PDGFD: variants seen among roughly 807,000 people sequenced by gnomAD.
PDGFD encodes the protein platelet-derived growth factor D.
In PDGFD, 30 loss-of-function variants were observed where a neutral mutation model predicts 44.7. That is an observed-to-expected ratio of 0.67 (90% CI 0.50 to 0.91). The LOEUF (loss-of-function observed/expected upper bound fraction) is 0.91, where lower values mean the gene tolerates loss of function less well. Ranked by LOEUF, PDGFD falls within the 40% of genes least tolerant of loss-of-function variation. The probability of loss-of-function intolerance (pLI) is 0.00; values close to 1 mark genes in which losing one functional copy is unlikely to be tolerated. For synonymous variants in PDGFD, 173 were observed against 168.4 expected, an observed-to-expected ratio of 1.03 and a Z score of -0.21; for missense variants, 445 against 457.8, an observed-to-expected ratio of 0.97 and a Z score of 0.25.
At chr11:104,162,938 G>A (rs1862410805) in intron 1 of PDGFD, among the ~76,000 whole-genome samples, 1 of 152,160 alleles carries the variant, frequency 6.6e-6, no homozygotes, top group Non-Finnish European at 1.5e-5. Context: ...AATTTGCTGG[G>A]AACATCAGCT....
chr11:104,119,327 A>G (rs1231708061), intron 1 of PDGFD, among the ~76,000 whole-genome samples: 4 of 51,840 alleles, frequency 7.7e-5, no homozygotes, highest in African/African-American at 3.0e-4. Context: ...ATATTGATAT[A>G]ATATATAATA....
intron 1 of PDGFD, among the ~76,000 whole-genome samples, chr11:104,144,540 A>AAAAAACCCAACC (rs1862136201): frequency 7.4e-6 from 1 of 136,002 alleles, no homozygotes; most frequent in African/African-American, 3.0e-5. Flanking sequence ...CCAACAAAAC[A>AAAAAACCCAACC]AAACAAACAA....
chr11:103,971,924 G>A (rs191743197), intron 3 of PDGFD, among the ~76,000 whole-genome samples: 25 of 152,286 alleles, frequency 1.6e-4, no homozygotes, highest in Non-Finnish European at 2.4e-4. Flanking sequence ...AGTGAATCCT[G>A]AGGGAGGATT....
chr11:103,961,425 T>G (rs1421532059), intron 3 of PDGFD, among the ~76,000 whole-genome samples: 1 of 152,154 alleles, frequency 6.6e-6, no homozygotes, highest in African/African-American at 2.4e-5. Flanking sequence ...GAGGAAGGTC[T>G]CAGAAGAAGT....
chr11:104,123,983 AT>A (rs1861810676), intron 1 of PDGFD, among the ~76,000 whole-genome samples: 1 of 106,256 alleles, frequency 9.4e-6, no homozygotes, highest in Non-Finnish European at 1.9e-5. Flanking sequence ...AAAAGTGATT[AT>A]TTTTGGTCAT....
intron 1 of PDGFD, among the ~76,000 whole-genome samples, chr11:104,098,149 T>C (rs1350034766): frequency 1.3e-5 from 2 of 152,156 alleles, no homozygotes; most frequent in African/African-American, 2.4e-5. Context: ...TATAATTTGT[T>C]TGAACTTGTA....
chr11:103,911,627 G>C lies in PDGFD; in HGVS notation c.988-1808C>G, dbSNP rs572648558. On this transcript the variant is annotated intron_variant, in intron 6 of 6. Transcript: ENST00000393158. ...GGGAACAAAACCAGATGGAGAATGA[G>C]TTTGAGGAATTGACAGAAGTAGGCT... 2.0e-5 allele frequency among the ~76,000 whole-genome samples: 3 copies of C among 152,214 alleles called. No homozygotes were observed. The South Asian group carries it at 6.2e-4, about 32-fold the overall frequency.
At chr11:104,121,751 A>G (rs1861781505) in intron 1 of PDGFD, among the ~76,000 whole-genome samples, 2 of 152,114 alleles carry the variant, frequency 1.3e-5, no homozygotes, top group South Asian at 4.1e-4. Context: ...TACCTGGAGT[A>G]GCACTGATAC....
At chr11:103,996,290 T>G (rs907492546) in intron 2 of PDGFD, 45 bp from the exon 3 acceptor site, 1 of 1,494,164 alleles carries the variant, frequency 6.7e-7, no homozygotes, top group Non-Finnish European at 9.2e-7. Context: ...TTAAAGTAGA[T>G]TTTGAAATTC....
intron 3 of PDGFD, among the ~76,000 whole-genome samples, chr11:103,951,292 C>T (rs2030461872): frequency 6.6e-6 from 1 of 152,184 alleles, no homozygotes; most frequent in Admixed American, 6.5e-5. Context: ...AAAGGAGAAT[C>T]TTGGCAATAG....
chr11:103,912,573 A>G (rs566149312), intron 6 of PDGFD, among the ~76,000 whole-genome samples: 1 of 152,342 alleles, frequency 6.6e-6, no homozygotes, highest in Non-Finnish European at 1.5e-5. Flanking sequence ...TGCATCAACT[A>G]ACGGGCAAAA....
At chr11:104,118,645 A>G (rs1328875863) in intron 1 of PDGFD, among the ~76,000 whole-genome samples, 1 of 147,438 alleles carries the variant, frequency 6.8e-6, no homozygotes, top group Non-Finnish European at 1.5e-5. Context: ...TTGATATCCC[A>G]TTGCTAACTT....
intron 1 of PDGFD, among the ~76,000 whole-genome samples, chr11:104,056,655 C>T (rs1860620710): frequency 6.6e-6 from 1 of 152,186 alleles, no homozygotes; most frequent in African/African-American, 2.4e-5. Context: ...CAAAACAACA[C>T]AACCCTACCA....
At chr11:104,163,712 G>A (rs1171604187) in intron 1 of PDGFD, 92 bp downstream of exon 1, 1 of 1,390,332 alleles carries the variant, frequency 7.2e-7, no homozygotes, top group Non-Finnish European at 9.6e-7. Flanking sequence ...TCACATTCAA[G>A]ATTCAAAAAG....
At chr11:104,012,674 A>G (rs1859800803) in intron 1 of PDGFD, among the ~76,000 whole-genome samples, 1 of 152,234 alleles carries the variant, frequency 6.6e-6, no homozygotes, top group Non-Finnish European at 1.5e-5. Context: ...GAAAGGACAG[A>G]TTATACTAGC....
At chr11:103,947,298 T>C (rs1172683355) in intron 4 of PDGFD, among the ~76,000 whole-genome samples, 1 of 152,226 alleles carries the variant, frequency 6.6e-6, no homozygotes, top group African/African-American at 2.4e-5. Context: ...CCCAGGAATA[T>C]TCGAAAGCTA....
At chr11:104,070,994 G>T (rs533118883) in intron 1 of PDGFD, among the ~76,000 whole-genome samples, 292 of 152,140 alleles carry the variant, frequency 1.9e-3, no homozygotes, top group African/African-American at 6.9e-3. Flanking sequence ...TTGTACCAAT[G>T]AATATTTCTA....
chr11:103,914,612 C>T (rs150175317), intron 6 of PDGFD, among the ~76,000 whole-genome samples: 681 of 152,278 alleles, frequency 4.5e-3, no homozygotes, highest in Non-Finnish European at 6.8e-3. Flanking sequence ...CCAGCATCAT[C>T]CTGATACCAA....
At chr11:104,010,659 C>T (rs1357251560) in intron 1 of PDGFD, among the ~76,000 whole-genome samples, 1 of 151,698 alleles carries the variant, frequency 6.6e-6, no homozygotes, top group Non-Finnish European at 1.5e-5. Context: ...AAAGATTGAC[C>T]CAAAATAACC....
Sources: allele counts gnomAD v4.1 joint callset (sites outside exome capture counted in the v4.1 genomes callset), GRCh38; gene constraint gnomAD v4.1.1; transcripts MANE v1.5; gene names NCBI Gene and HGNC (gene_info 2026-07-23, HGNC 2026-07-21).